The following SUSD4 variants were observed in gnomAD, a reference collection of about 807,000 sequenced individuals.
SUSD4 encodes sushi domain-containing protein 4.
SUSD4 carries 41 observed loss-of-function variants against 50.5 expected under a neutral mutation model. That is an observed-to-expected ratio of 0.81 (90% CI 0.63 to 1.05). The LOEUF (loss-of-function observed/expected upper bound fraction) is 1.05, where lower values mean the gene tolerates loss of function less well. SUSD4 is among the 50% of genes least tolerant of loss of function. The pLI is 0.00. For missense variants in SUSD4, 580 were observed against 634.7 expected (o/e 0.91, Z 0.93); for synonymous variants, 257 against 257.3 (o/e 1.00, Z 0.01).
intron 5 of SUSD4, among the ~76,000 whole-genome samples, chr1:223,253,339 A>C (rs1661465074): frequency 6.9e-6 from 1 of 145,432 alleles, no homozygotes; most frequent in East Asian, 2.0e-4. Context: ...GCTTCAGTAC[A>C]AAAAAAAAAA....
rs1023517536 is a variant in SUSD4 at position 223,332,551 on chromosome 1, C to T, written c.148+30727G>A. On this transcript the variant is annotated intron_variant, in intron 2 of 8. Transcript: ENST00000366878. This position sits in a 1 kb window ranked among gnomAD's most constrained non-coding sequence, Gnocchi z 4.0. ...GGATCTGTCCATTTAAACTAGAAGT[C>T]GTTAGCTATTTTTAATGCTGTAATT... is the stretch of plus-strand genomic sequence containing the variant. 5.3e-5 allele frequency among the ~76,000 whole-genome samples: 8 copies of T among 152,130 alleles called. No individual in the cohort carries two copies. Among genetic ancestry groups the T allele is most frequent in the African/African-American group, 1.7e-4 (7 of 41,428 alleles).
intron 5 of SUSD4, among the ~76,000 whole-genome samples, chr1:223,254,760 T>G (rs933573772): frequency 1.6e-4 from 24 of 152,302 alleles, no homozygotes; most frequent in Admixed American, 9.2e-4. Flanking sequence ...GAGAGATGTG[T>G]GACCAAGAAG....
At chr1:223,259,423 G>A (rs943842680) in intron 5 of SUSD4, among the ~76,000 whole-genome samples, 12 of 152,064 alleles carry the variant, frequency 7.9e-5, no homozygotes, top group Non-Finnish European at 1.0e-4. Flanking sequence ...TACAATTAAG[G>A]ACCCCAAATT....
At chr1:223,348,973 C>A (rs1460189983) in intron 2 of SUSD4, among the ~76,000 whole-genome samples, 1 of 151,986 alleles carries the variant, frequency 6.6e-6, no homozygotes, top group African/African-American at 2.4e-5. Context: ...AGCTCAGAAG[C>A]TCTGGGAGGT....
At chr1:223,236,456 C>T (rs994957245) in intron 5 of SUSD4, among the ~76,000 whole-genome samples, 1 of 152,046 alleles carries the variant, frequency 6.6e-6, no homozygotes, top group Non-Finnish European at 1.5e-5. Context: ...CCATGTTATA[C>T]TCTAAGAGTT....
intron 5 of SUSD4, among the ~76,000 whole-genome samples, chr1:223,238,204 T>C (rs1470186144): frequency 6.6e-6 from 1 of 152,010 alleles, no homozygotes; most frequent in African/African-American, 2.4e-5. Flanking sequence ...CACTCTTTCA[T>C]TTCTGATATT....
intron 5 of SUSD4, among the ~76,000 whole-genome samples, chr1:223,254,832 A>T (rs1382006101): frequency 1.2e-4 from 19 of 152,218 alleles, no homozygotes; most frequent in Non-Finnish European, 1.5e-5. Flanking sequence ...AAGCACAGTG[A>T]TCCTTGAGAA....
At chr1:223,237,062 C>T (rs1215656034) in intron 5 of SUSD4, among the ~76,000 whole-genome samples, 2 of 151,958 alleles carry the variant, frequency 1.3e-5, no homozygotes, top group Non-Finnish European at 2.9e-5. Context: ...AGATCTTGTA[C>T]ATATTTTGTT....
At chr1:223,331,914 C>T (rs17163818) in intron 2 of SUSD4, among the ~76,000 whole-genome samples, 2 of 151,952 alleles carry the variant, frequency 1.3e-5, no homozygotes, top group Non-Finnish European at 2.9e-5. Flanking sequence ...CAAACAACAG[C>T]GAGACAAAAC....
intron 2 of SUSD4, among the ~76,000 whole-genome samples, chr1:223,357,927 A>G (rs1668756972): frequency 6.6e-6 from 1 of 152,204 alleles, no homozygotes; most frequent in South Asian, 2.1e-4. Flanking sequence ...ATTCAGAGGC[A>G]ATGATCCCAA....
chr1:223,311,508 C>T (rs916165512), intron 2 of SUSD4, among the ~76,000 whole-genome samples: 2 of 152,072 alleles, frequency 1.3e-5, no homozygotes, highest in African/African-American at 4.8e-5. Flanking sequence ...AGGTATTGGC[C>T]CTTTTTATCT....
In SUSD4 at chr1:223,231,296, G is replaced by A. The variant is rs1290345595; in HGVS notation, c.725-1908C>T. On this transcript the variant is annotated intron_variant, in intron 5 of 8. Coordinates refer to ENST00000366878, the MANE Select transcript of SUSD4 (RefSeq NM_017982.4). The surrounding 1 kb of genome is among the most constrained non-coding windows in gnomAD (Gnocchi z 4.2). ...GGTCTGGGAAACAGGGTCTGCGGTG[G>A]ACAGCCTGTCTAGATCTGGTGCAGT... Among the ~76,000 whole-genome samples the A allele has an allele frequency of 2.6e-5, 4 of 152,134 alleles. No homozygotes were observed. Among genetic ancestry groups the A allele is most frequent in the Admixed American group, 2.6e-4 (4 of 15,282 alleles).
chr1:223,270,213 T>C (rs1159884651), intron 3 of SUSD4, among the ~76,000 whole-genome samples: 1 of 152,214 alleles, frequency 6.6e-6, no homozygotes, highest in Non-Finnish European at 1.5e-5. Flanking sequence ...AGTCAAATGC[T>C]TGTAAGCCCA....
At chr1:223,323,472 T>G (rs187782756) in intron 2 of SUSD4, among the ~76,000 whole-genome samples, 1 of 152,150 alleles carries the variant, frequency 6.6e-6, no homozygotes, top group East Asian at 1.9e-4. Context: ...TTGACTTCCA[T>G]GTGGCATGCA....
intron 3 of SUSD4, among the ~76,000 whole-genome samples, chr1:223,273,274 G>C (rs544452657): frequency 6.6e-6 from 1 of 152,324 alleles, no homozygotes; most frequent in South Asian, 2.1e-4. Flanking sequence ...GATTAGGGCA[G>C]GGAATTATTT....
Position 223,223,614 on chromosome 1 carries a change from G to C in SUSD4, c.1079C>G (p.Ser360Cys), listed in dbSNP as rs560471177. ...HFPPRGPPRS[S>C]SSDPDFVVVD... ...CACCACAAAGTCAGGGTCACTGCTG[G>C]AACTCCGGGGAGGCCCCCTGTGTAA... The change falls in exon 8 of 9, where the codon TCC (serine) becomes TGC (cysteine). Residue 360 changes from serine (S) to cysteine (C), a missense_variant. Physicochemically the swap from Ser to Cys is moderately radical, Grantham distance 112. Transcript: ENST00000366878. 4.2e-5 allele frequency: 68 copies of C among 1,607,166 alleles called. No individual in the cohort carries two copies. The African/African-American group carries it at 8.5e-4, about 20-fold the overall frequency.
intron 7 of SUSD4, among the ~76,000 whole-genome samples, chr1:223,226,189 C>T (rs1418416155): frequency 6.6e-6 from 1 of 152,176 alleles, no homozygotes; most frequent in Non-Finnish European, 1.5e-5. Flanking sequence ...CTTAGGCCTT[C>T]TTGAGATACT....
chr1:223,317,608 T>C (rs1666279325), intron 2 of SUSD4, among the ~76,000 whole-genome samples: 1 of 152,158 alleles, frequency 6.6e-6, no homozygotes, highest in African/African-American at 2.4e-5. Context: ...TGGAAGTACT[T>C]TGTTTTGAAA....
At chr1:223,289,034 G>A (rs1235502980) in intron 3 of SUSD4, 2 of 904,426 alleles carry the variant, frequency 2.2e-6, no homozygotes, top group Non-Finnish European at 2.6e-6. Flanking sequence ...CTCTGGAAAA[G>A]TATCCCCAAG....
Sources: gnomAD v4.1 joint callset for allele counts (sites outside exome capture counted in the v4.1 genomes callset) on GRCh38, gnomAD v4.1.1 for gene constraint, Gnocchi (gnomAD v3.1) non-coding constraint, MANE v1.5 for transcripts, NCBI Gene and HGNC (gene_info 2026-07-23, HGNC 2026-07-21) for gene names.